Variants in PPARA observed in about 807,000 individuals in gnomAD.
PPARA encodes the protein peroxisome proliferator activated receptor alpha.
In PPARA, 22 loss-of-function variants were observed where a neutral mutation model predicts 42.2. The ratio of observed to expected loss-of-function variants is 0.52; its 90% CI spans 0.37 to 0.74. The LOEUF is 0.74. Ranked by LOEUF, PPARA falls within the 30% of genes least tolerant of loss-of-function variation. The pLI is 0.00. For missense variants in PPARA, 465 were observed against 608.2 expected, an observed-to-expected ratio of 0.76 and a Z score of 2.48; for synonymous variants, 242 against 239.3, an observed-to-expected ratio of 1.01 and a Z score of -0.10.
In PPARA at chr22:46,232,318, G is replaced by A; in HGVS notation, c.1159+79G>A. On this transcript the variant is annotated intron_variant, in intron 8 of 8. Coordinates refer to ENST00000407236, the MANE Select transcript of PPARA (RefSeq NM_005036.6). This position sits in a 1 kb window ranked among gnomAD's most constrained non-coding sequence, Gnocchi z 5.3. Reference sequence around the variant, plus strand: ...GAAAAATTTGACAATGGGAAATCCAGTACCAGCCTGAGCTGTTCCAGTGGA... The same window carrying A: ...GAAAAATTTGACAATGGGAAATCCAATACCAGCCTGAGCTGTTCCAGTGGA... The A allele has an allele frequency of 1.4e-6, 2 of 1,450,800 alleles. No individual in the cohort carries two copies. Among genetic ancestry groups the A allele is most frequent in the Non-Finnish European group, 9.7e-7 (1 of 1,034,782 alleles). The allele number at this position is 1,450,800 out of a possible 1,614,324, so 89.9% of individuals were successfully genotyped here. A position where few individuals can be genotyped will look rare whatever the true frequency, so the allele number is the denominator to read the frequency against.
At chr22:46,198,183 A>G (rs918228243) in intron 3 of PPARA, among the ~76,000 whole-genome samples, 159 bp from the exon 4 acceptor site, 16 of 145,692 alleles carry the variant, frequency 1.1e-4, no homozygotes, top group African/African-American at 4.0e-4. Flanking sequence ...GCTTGCAGTG[A>G]GCCGAGATTG....
At chr22:46,207,049 C>G (rs1346236105) in intron 4 of PPARA, among the ~76,000 whole-genome samples, 1 of 151,808 alleles carries the variant, frequency 6.6e-6, no homozygotes, top group African/African-American at 2.4e-5. Flanking sequence ...AAGGTGAAAC[C>G]CTGTCTTTAC....
chr22:46,160,030 C>T lies in PPARA; in HGVS notation c.-127+8060C>T, dbSNP rs2083803017. ...GCTGTGACTGGAAGACGCCGACCAC[C>T]ACTGCAGCAGCCTGAAAACCACAGT... On this transcript the variant is annotated intron_variant, in intron 2 of 8. Coordinates refer to ENST00000407236, the MANE Select transcript of PPARA (RefSeq NM_005036.6). This position sits in a 1 kb window ranked among gnomAD's most constrained non-coding sequence, Gnocchi z 4.5. 6.6e-6 allele frequency among the ~76,000 whole-genome samples: 1 copy of T among 152,020 alleles called. No homozygotes were observed. Among genetic ancestry groups the T allele is most frequent in the Non-Finnish European group, 1.5e-5 (1 of 67,982 alleles).
chr22:46,160,713 T>A lies in PPARA; in HGVS notation c.-127+8743T>A, dbSNP rs135540. Among the ~76,000 whole-genome samples, 46,304 of 151,982 alleles carry A rather than the reference T, an allele frequency of 0.3. 7,409 individuals are homozygous for A. Among genetic ancestry groups the A allele is most frequent in the African/African-American group, 0.37 (15,330 of 41,418 alleles). On this transcript the variant is annotated intron_variant, in intron 2 of 8. Transcript: ENST00000407236. This position sits in a 1 kb window ranked among gnomAD's most constrained non-coding sequence, Gnocchi z 4.5. ...CCTCTCTGGCTCAAGCAATCCTCCC[T>A]CCTCAGCCTCCTGAGCAGCTGGGAC... is the stretch of plus-strand genomic sequence containing the variant.
Position 46,219,752 on chromosome 22 carries a change from C to A in PPARA, c.509-60C>A. On this transcript the variant is annotated intron_variant, in intron 6 of 8. Coordinates refer to ENST00000407236, the MANE Select transcript of PPARA (RefSeq NM_005036.6). The surrounding 1 kb of genome is among the most constrained non-coding windows in gnomAD (Gnocchi z 4.8). ...AGTCCTGGGGGAGCCCCTCGTCCAGCCCTGTCCGCGCAGTCATGACCTCAC... is the reference window on the plus strand; with the variant it reads ...AGTCCTGGGGGAGCCCCTCGTCCAGACCTGTCCGCGCAGTCATGACCTCAC... 2 of 1,555,266 alleles carry A rather than the reference C, an allele frequency of 1.3e-6. No homozygotes were observed. Among genetic ancestry groups the A allele is most frequent in the Non-Finnish European group, 8.9e-7 (1 of 1,127,708 alleles).
rs1174347096 is a variant in PPARA at position 46,225,433 on chromosome 22, G to A, written c.711+5419G>A. 6.6e-6 allele frequency among the ~76,000 whole-genome samples: 1 copy of A among 152,132 alleles called. No individual in the cohort carries two copies. Among genetic ancestry groups the A allele is most frequent in the Non-Finnish European group, 1.5e-5 (1 of 68,020 alleles). On this transcript the variant is annotated intron_variant, in intron 7 of 8. Transcript: ENST00000407236. This position sits in a 1 kb window ranked among gnomAD's most constrained non-coding sequence, Gnocchi z 4.1. ...ATGTCGTCAGAAGACTTTGGAGGAA[G>A]CAACAGAAAATGAGACTGAGGGGCT...
rs775961941 is a variant in PPARA at position 46,203,235 on chromosome 22, G to C, written c.208+4644G>C. On this transcript the variant is annotated intron_variant, in intron 4 of 8. Coordinates refer to ENST00000407236, the MANE Select transcript of PPARA (RefSeq NM_005036.6). The surrounding 1 kb of genome is among the most constrained non-coding windows in gnomAD (Gnocchi z 5.8). ...TTATTTCTTATTTGTAAATTAGATC[G>C]TTCATATTTGTACCTAATCTGATCT... Among the ~76,000 whole-genome samples, 2 of 152,094 alleles carry C rather than the reference G, an allele frequency of 1.3e-5. No individual in the cohort carries two copies. Among genetic ancestry groups the C allele is most frequent in the Non-Finnish European group, 2.9e-5 (2 of 68,022 alleles).
chr22:46,168,562 T>C lies in PPARA; in HGVS notation c.-126-8191T>C, dbSNP rs73460619. Among the ~76,000 whole-genome samples, 259 of 151,874 alleles carry C rather than the reference T, an allele frequency of 1.7e-3. 1 individual carries two copies. Among genetic ancestry groups the C allele is most frequent in the African/African-American group, 6.0e-3 (250 of 41,500 alleles). On this transcript the variant is annotated intron_variant, in intron 2 of 8. Coordinates refer to ENST00000407236, the MANE Select transcript of PPARA (RefSeq NM_005036.6). Reference sequence around the variant, plus strand: ...GGATTATATAAAGAACTATTGTAATTCAATAAGATGTCAAACAACCCAATT... The same window carrying C: ...GGATTATATAAAGAACTATTGTAATCCAATAAGATGTCAAACAACCCAATT...
chr22:46,198,380 C>G lies in PPARA; in HGVS notation c.-4C>G. The stretch of plus-strand genomic sequence containing the variant: ...GGCGGCACAACCAGCACCATCTGGT[C>G]GCGATGGTGGACACGGAAAGCCCAC... On this transcript the variant is annotated 5_prime_UTR_variant, in exon 4 of 9. Transcript: ENST00000407236. 1 of 1,613,630 alleles carries G rather than the reference C, an allele frequency of 6.2e-7. No individual in the cohort carries two copies. The highest frequency in any genetic ancestry group is 8.5e-7 in the Non-Finnish European group (1 of 1,179,770).
intron 2 of PPARA, among the ~76,000 whole-genome samples, chr22:46,175,440 G>A (rs554602225): frequency 3.6e-4 from 54 of 151,956 alleles, no homozygotes; most frequent in African/African-American, 1.1e-3. Flanking sequence ...TAGGCCGGGC[G>A]CGGTGGCTCA....
intron 4 of PPARA, among the ~76,000 whole-genome samples, chr22:46,214,233 T>G (rs1483927905): frequency 6.6e-6 from 1 of 152,096 alleles, no homozygotes; most frequent in African/African-American, 2.4e-5. Flanking sequence ...ATGGGCGGTA[T>G]GGCAAGGCGC....
At chr22:46,189,015 A>C (rs183934144) in intron 3 of PPARA, among the ~76,000 whole-genome samples, 55 of 152,324 alleles carry the variant, frequency 3.6e-4, no homozygotes, top group Non-Finnish European at 7.2e-4. Context: ...CTGGCTGCTA[A>C]ATGCTTCAAC....
chr22:46,173,910 G>T lies in PPARA; in HGVS notation c.-126-2843G>T, dbSNP rs1430761858. On this transcript the variant is annotated intron_variant, in intron 2 of 8. Transcript: ENST00000407236. This position sits in a 1 kb window ranked among gnomAD's most constrained non-coding sequence, Gnocchi z 4.3. ...ACATATATACATACATACCTATAAA[G>T]AAAGAAATTATGGGCTAGGTGCAGT... 1.3e-5 allele frequency among the ~76,000 whole-genome samples: 2 copies of T among 151,580 alleles called. No homozygotes were observed. The highest frequency in any genetic ancestry group is 4.9e-5 in the African/African-American group (2 of 40,960).
rs565126426 is a variant in PPARA at position 46,183,574 on chromosome 22, T to C, written c.-43+6738T>C. ...CTGGGCAACATGGCGAAACCCTGTC[T>C]ATACAAAAAATAGAAAAATTAGCCA... On this transcript the variant is annotated intron_variant, in intron 3 of 8. Coordinates refer to ENST00000407236, the MANE Select transcript of PPARA (RefSeq NM_005036.6). This position sits in a 1 kb window ranked among gnomAD's most constrained non-coding sequence, Gnocchi z 5.5. Among the ~76,000 whole-genome samples the C allele has an allele frequency of 2.0e-5, 3 of 152,228 alleles. No homozygotes were observed. The highest frequency in any genetic ancestry group is 2.1e-4 in the South Asian group (1 of 4,818).
chr22:46,205,564 T>A (rs1227427804), intron 4 of PPARA, among the ~76,000 whole-genome samples: 37 of 71,126 alleles, frequency 5.2e-4, no homozygotes, highest in Non-Finnish European at 7.1e-4. Context: ...ATTTTTTTTT[T>A]TTTTTTTTTT....
At chr22:46,207,286 T>G (rs1210270505) in intron 4 of PPARA, among the ~76,000 whole-genome samples, 1 of 147,030 alleles carries the variant, frequency 6.8e-6, no homozygotes, top group Non-Finnish European at 1.5e-5. Context: ...AATTTTTTTT[T>G]TTTTTTTTTT....
chr22:46,178,560 A>G (rs1229583070), intron 3 of PPARA, among the ~76,000 whole-genome samples: 1 of 152,194 alleles, frequency 6.6e-6, no homozygotes, highest in Non-Finnish European at 1.5e-5. Context: ...ACCATGGTGT[A>G]TAGATTATCC....
At chr22:46,205,441 A>T (rs1350616069) in intron 4 of PPARA, among the ~76,000 whole-genome samples, 5 of 139,954 alleles carry the variant, frequency 3.6e-5, no homozygotes, top group African/African-American at 1.3e-4. Flanking sequence ...GTTGGTCTCA[A>T]ACTCCTGGGC....
chr22:46,174,419 TA>T (rs1205913634), intron 2 of PPARA, among the ~76,000 whole-genome samples: 1 of 151,950 alleles, frequency 6.6e-6, no homozygotes, highest in Non-Finnish European at 1.5e-5. Context: ...AGCAAATAAA[TA>T]AAAGAGACAG....
Sources: allele counts gnomAD v4.1 joint callset (sites outside exome capture counted in the v4.1 genomes callset), GRCh38; gene constraint gnomAD v4.1.1; non-coding constraint Gnocchi (gnomAD v3.1); transcripts MANE v1.5; gene names NCBI Gene and HGNC (gene_info 2026-07-23, HGNC 2026-07-21).